Variants in THBS4 observed in about 807,000 individuals in gnomAD.
The protein encoded by THBS4 is thrombospondin 4.
THBS4 carries 90 observed loss-of-function variants against 115.7 expected under a neutral mutation model. The ratio of observed to expected loss-of-function variants is 0.78; its 90% confidence interval spans 0.66 to 0.93. The LOEUF is 0.93. Among genes scored for constraint, THBS4 ranks in the 40% least tolerant of loss-of-function variants. The probability of loss-of-function intolerance (pLI) is 0.00; values close to 1 mark genes in which losing one functional copy is unlikely to be tolerated. For synonymous variants in THBS4, 460 were observed against 479.3 expected (o/e 0.96, Z 0.53); for missense variants, 1,087 against 1,232.7 (o/e 0.88, Z 1.77).
chr5:80,055,572 A>G lies in THBS4; in HGVS notation c.293-213A>G, dbSNP rs1833395051. ...CATCAACACAAAACATTCTCAGGAG[A>G]AGAGTTGGTTCCCAGTGCCTGAAAA... On this transcript the variant is annotated intron_variant, in intron 2 of 21. Coordinates refer to ENST00000350881, the MANE Select transcript of THBS4 (RefSeq NM_003248.6). Among the ~76,000 whole-genome samples, 6 of 126,626 alleles carry G rather than the reference A, an allele frequency of 4.7e-5. No homozygotes were observed. In the South Asian group the frequency reaches 1.6e-3, roughly 34 times the overall value. 83.1% of individuals were successfully genotyped at this position (126,626 alleles called of 152,430 possible). A position where few individuals can be genotyped will look rare whatever the true frequency, so the allele number is the denominator to read the frequency against.
rs1012475505 is a variant in THBS4, at chr5:80,080,080, A to G, written c.2684+3A>G. On this transcript the variant is annotated splice_donor_region_variant and intron_variant, in intron 20 of 21. Coordinates refer to ENST00000350881, the MANE Select transcript of THBS4 (RefSeq NM_003248.6). ...AGGCCCCAGGTGGGCTACATCAGGTAGGTAGAGGCCCCATCTCCTTACCTT... is the reference window on the plus strand; with the variant it reads ...AGGCCCCAGGTGGGCTACATCAGGTGGGTAGAGGCCCCATCTCCTTACCTT... The G allele has an allele frequency of 1.9e-6, 3 of 1,613,116 alleles. No homozygotes were observed. Among genetic ancestry groups the G allele is most frequent in the Non-Finnish European group, 2.5e-6 (3 of 1,179,542 alleles).
In THBS4 at chr5:80,035,662, A is replaced by G; in HGVS notation, c.88+37A>G. On this transcript the variant is annotated intron_variant, in intron 1 of 21. Transcript: ENST00000350881. This position sits in a 1 kb window ranked among gnomAD's most constrained non-coding sequence, Gnocchi z 4.6. ...CGGGTCGGGCCTGGGAGCGCCGGGC[A>G]CCGGGTGCCCCATCTGCTGAGTGAG... 7.8e-7 allele frequency: 1 copy of G among 1,285,990 alleles called. No homozygotes were observed. Among genetic ancestry groups the G allele is most frequent in the Non-Finnish European group, 9.9e-7 (1 of 1,008,740 alleles). 79.7% of individuals were successfully genotyped at this position (1,285,990 alleles called of 1,614,324 possible).
At chr5:80,006,060 C>T (rs1253860369) in intron 2 of THBS4, among the ~76,000 whole-genome samples, 1 of 152,094 alleles carries the variant, frequency 6.6e-6, no homozygotes. Flanking sequence ...CCACCATGCC[C>T]GGCCTGTGGC....
intron 1 of THBS4, among the ~76,000 whole-genome samples, chr5:80,037,032 A>G (rs1346484240): frequency 2.0e-5 from 3 of 152,240 alleles, no homozygotes; most frequent in Non-Finnish European, 4.4e-5. Flanking sequence ...GAAATGCTGT[A>G]GTCCGTGCCC....
intron 2 of THBS4, among the ~76,000 whole-genome samples, chr5:80,014,280 G>A (rs532205289): frequency 4.5e-4 from 69 of 152,328 alleles, no homozygotes; most frequent in Middle Eastern, 3.4e-3. Flanking sequence ...CTCAATGGAT[G>A]TAACGGTGGC....
chr5:80,058,851 C>A, intron 5 of THBS4, 61 bp downstream of exon 5: 2 of 1,504,076 alleles, frequency 1.3e-6, no homozygotes, highest in Non-Finnish European at 1.8e-6. Flanking sequence ...TCCCCACAAG[C>A]TAGTGGAGCT....
At chr5:80,002,068 A>G (rs563543281) in intron 2 of THBS4, among the ~76,000 whole-genome samples, 1 of 152,352 alleles carries the variant, frequency 6.6e-6, no homozygotes, top group Middle Eastern at 3.4e-3. Context: ...CTTTGAGTCC[A>G]ATGATTAGAC....
chr5:80,061,680 C>T lies in THBS4; in HGVS notation c.988-15C>T. ...TCTCGGTGTGGCTAAAGACTTTGAA[C>T]TTTTTTGTCTCCAGTGCAAATACCA... is the stretch of plus-strand genomic sequence containing the variant. On this transcript the variant is annotated splice_polypyrimidine_tract_variant and intron_variant, in intron 7 of 21. Transcript: ENST00000350881. 6.3e-7 allele frequency: 1 copy of T among 1,591,654 alleles called. No individual in the cohort carries two copies. The highest frequency in any genetic ancestry group is 8.6e-7 in the Non-Finnish European group (1 of 1,166,968).
intron 1 of THBS4, among the ~76,000 whole-genome samples, chr5:79,995,669 C>T (rs903188397): frequency 4.6e-5 from 7 of 152,014 alleles, no homozygotes; most frequent in Non-Finnish European, 1.0e-4. Context: ...GCTTGAGCAG[C>T]GGGGCTGGCA....
chr5:80,008,498 C>A (rs1311217491), intron 2 of THBS4, among the ~76,000 whole-genome samples: 2 of 152,024 alleles, frequency 1.3e-5, no homozygotes. Context: ...CACTGGCTTC[C>A]CACATTTTTA....
At chr5:80,026,400 C>A (rs1350456899) in intron 2 of THBS4, among the ~76,000 whole-genome samples, 5 of 152,152 alleles carry the variant, frequency 3.3e-5, no homozygotes, top group Admixed American at 3.3e-4. Flanking sequence ...CTTCTCCTTC[C>A]TTCTGTGTTT....
At chr5:79,994,449 G>A (rs1209938022) in intron 1 of THBS4, among the ~76,000 whole-genome samples, 1 of 152,168 alleles carries the variant, frequency 6.6e-6, no homozygotes, top group Non-Finnish European at 1.5e-5. Context: ...TATTATTTAT[G>A]TAAATAATAT....
At chr5:80,037,120 ATT>A in intron 1 of THBS4, among the ~76,000 whole-genome samples, 1 of 152,186 alleles carries the variant, frequency 6.6e-6, no homozygotes, top group African/African-American at 2.4e-5. Flanking sequence ...GCAAGTTCAA[ATT>A]TATAGGTATA....
chr5:80,002,222 C>G (rs966047867), intron 2 of THBS4, among the ~76,000 whole-genome samples: 75 of 152,142 alleles, frequency 4.9e-4, no homozygotes, highest in Admixed American at 3.7e-3. Flanking sequence ...TCTTTGGTAT[C>G]TAACCACTAC....
intron 2 of THBS4, among the ~76,000 whole-genome samples, chr5:80,004,258 A>G (rs996797138): frequency 3.9e-5 from 6 of 152,198 alleles, no homozygotes; most frequent in Admixed American, 6.5e-5. Flanking sequence ...TAGATTATCC[A>G]TGTTAGAAGG....
At chr5:80,036,639 A>G (rs1190744038) in intron 1 of THBS4, among the ~76,000 whole-genome samples, 1 of 152,236 alleles carries the variant, frequency 6.6e-6, no homozygotes, top group Non-Finnish European at 1.5e-5. Context: ...GCCATTGGGT[A>G]GAAAGCAGTT....
At chr5:80,025,556 A>G (rs141421177) in intron 2 of THBS4, among the ~76,000 whole-genome samples, 1,857 of 152,220 alleles carry the variant, frequency 0.012, 44 homozygotes, top group African/African-American at 0.043. Flanking sequence ...GCACTAGAAA[A>G]TGAGCTCTTA....
chr5:80,063,132 C>A (rs992599211), intron 8 of THBS4, among the ~76,000 whole-genome samples: 11 of 152,214 alleles, frequency 7.2e-5, no homozygotes, highest in Admixed American at 2.0e-4. Context: ...AATGGCTGAA[C>A]TAGTTTACAG....
intron 16 of THBS4, among the ~76,000 whole-genome samples, chr5:80,077,557 C>T (rs111441254): frequency 2.0e-5 from 3 of 152,242 alleles, no homozygotes; most frequent in Admixed American, 6.5e-5. Flanking sequence ...CTGGAGAGGG[C>T]ATGCCCATCC....
Sources: allele counts gnomAD v4.1 joint callset (sites outside exome capture counted in the v4.1 genomes callset), GRCh38; gene constraint gnomAD v4.1.1; non-coding constraint Gnocchi (gnomAD v3.1); transcripts MANE v1.5; gene names NCBI Gene and HGNC (gene_info 2026-07-23, HGNC 2026-07-21).